TYW1: variants seen among roughly 807,000 people sequenced by gnomAD.
The protein encoded by TYW1 is S-adenosyl-L-methionine-dependent tRNA 4-demethylwyosine synthase TYW1.
Under a neutral mutation model 96.2 loss-of-function variants are expected in TYW1, and 46 were observed. The observed-to-expected ratio is 0.48, with a 90% CI of 0.38 to 0.61. TYW1 has a LOEUF of 0.61. TYW1 is among the 20% of genes least tolerant of loss of function. TYW1 has a pLI of 0.00. For missense variants in TYW1, 684 were observed against 909.6 expected (o/e 0.75, Z 3.19); for synonymous variants, 274 against 323.0 (o/e 0.85, Z 1.63).
chr7:67,211,039 G>C (rs1402495021), intron 15 of TYW1, among the ~76,000 whole-genome samples: 1 of 151,172 alleles, frequency 6.6e-6, no homozygotes, highest in Non-Finnish European at 1.5e-5. Flanking sequence ...TTTACCTAGG[G>C]TTATAATCCA....
chr7:67,052,586 T>A (rs1795390314), intron 8 of TYW1, among the ~76,000 whole-genome samples: 1 of 152,216 alleles, frequency 6.6e-6, no homozygotes, highest in African/African-American at 2.4e-5. Context: ...AATCTGCTAA[T>A]GTCTTTGTCA....
chr7:67,050,963 C>T (rs1438625484), intron 8 of TYW1, among the ~76,000 whole-genome samples: 4 of 151,792 alleles, frequency 2.6e-5, no homozygotes, highest in African/African-American at 9.7e-5. Context: ...ATAATCTTGG[C>T]TCACTGCAAC....
At chr7:67,029,540 C>T (rs1794604564) in intron 7 of TYW1, among the ~76,000 whole-genome samples, 1 of 151,524 alleles carries the variant, frequency 6.6e-6, no homozygotes, top group African/African-American at 2.4e-5. Context: ...ATATATCCTA[C>T]CCAGAGTTAG....
chr7:67,079,337 A>G (rs539143351), intron 10 of TYW1, among the ~76,000 whole-genome samples: 27 of 152,068 alleles, frequency 1.8e-4, no homozygotes, highest in African/African-American at 6.5e-4. Context: ...TATTCTTGGT[A>G]GGTTGTGTGT....
At chr7:67,121,908 G>C (rs1420595933) in intron 13 of TYW1, among the ~76,000 whole-genome samples, 1 of 148,116 alleles carries the variant, frequency 6.8e-6, no homozygotes, top group East Asian at 1.9e-4. Flanking sequence ...TTGAGTATGT[G>C]GGCTAAAAAC....
chr7:67,019,796 A>T (rs1464816817), intron 6 of TYW1, among the ~76,000 whole-genome samples: 1 of 152,298 alleles, frequency 6.6e-6, no homozygotes, highest in Non-Finnish European at 1.5e-5. Flanking sequence ...TGTTGGACAG[A>T]AATTCTCATT....
chr7:67,076,818 A>G (rs1233478531), intron 10 of TYW1, among the ~76,000 whole-genome samples: 2 of 138,076 alleles, frequency 1.4e-5, no homozygotes, highest in Non-Finnish European at 3.0e-5. Context: ...GCTGTTGCCC[A>G]GGCTGGAGTG....
At chr7:67,208,731 C>A (rs1800900034) in intron 15 of TYW1, among the ~76,000 whole-genome samples, 2 of 151,546 alleles carry the variant, frequency 1.3e-5, no homozygotes, top group African/African-American at 4.9e-5. Context: ...TAGAGGGATC[C>A]CAGACATCAG....
chr7:67,235,629 C>T (rs1409944251), intron 15 of TYW1, among the ~76,000 whole-genome samples: 11 of 152,216 alleles, frequency 7.2e-5, no homozygotes, highest in Admixed American at 4.6e-4. Flanking sequence ...CAGTGGCTCA[C>T]GCCTGTTATC....
Position 67,038,561 on chromosome 7 carries a change from G to A in TYW1, c.985-11388G>A, listed in dbSNP as rs868691991. On this transcript the variant is annotated intron_variant, in intron 7 of 15. Coordinates refer to ENST00000359626, the MANE Select transcript of TYW1 (RefSeq NM_018264.4). The stretch of plus-strand genomic sequence containing the variant: ...GTCAAGGCTGCAGTGAGCTATGATC[G>A]CACCACTGCACTCCAGCCTGGACAA... 4.0e-5 allele frequency among the ~76,000 whole-genome samples: 6 copies of A among 149,468 alleles called. No individual in the cohort carries two copies. In the East Asian group the frequency reaches 6.0e-4, roughly 15 times the overall value.
At chr7:67,052,544 A>G (rs1795388575) in intron 8 of TYW1, among the ~76,000 whole-genome samples, 1 of 152,120 alleles carries the variant, frequency 6.6e-6, no homozygotes, top group Non-Finnish European at 1.5e-5. Flanking sequence ...TTTTGAGCCT[A>G]TAGAAAACAG....
chr7:67,175,226 C>G (rs1343719262), intron 13 of TYW1, among the ~76,000 whole-genome samples: 1 of 145,304 alleles, frequency 6.9e-6, no homozygotes. Context: ...GGCTGGAGTG[C>G]GATGGCGTGA....
chr7:67,176,473 T>G (rs535424199), intron 13 of TYW1, among the ~76,000 whole-genome samples: 11 of 152,176 alleles, frequency 7.2e-5, no homozygotes, highest in Non-Finnish European at 8.8e-5. Context: ...GCGATGGAAT[T>G]CAAAGACTTA....
intron 15 of TYW1, among the ~76,000 whole-genome samples, chr7:67,202,334 A>G (rs1378637479): frequency 6.6e-6 from 1 of 152,134 alleles, no homozygotes; most frequent in Non-Finnish European, 1.5e-5. Flanking sequence ...GAAACCAGAG[A>G]GGTCCGAATC....
At chr7:67,191,060 G>A (rs6947488) in intron 14 of TYW1, among the ~76,000 whole-genome samples, 44,013 of 152,062 alleles carry the variant, frequency 0.29, 7,070 homozygotes, top group African/African-American at 0.43. Context: ...GGTTCTGCAG[G>A]CTCTACAAGA....
chr7:67,198,406 C>T (rs925588272), intron 15 of TYW1, among the ~76,000 whole-genome samples: 13 of 151,628 alleles, frequency 8.6e-5, no homozygotes, highest in Non-Finnish European at 1.3e-4. Flanking sequence ...CTAAAATTAG[C>T]GGGGTGTGGT....
chr7:67,072,963 T>TTTTTTTTTTTTTTTTTTTTTTTTTTTTTG (rs1219374462), intron 10 of TYW1, among the ~76,000 whole-genome samples: 1 of 118,592 alleles, frequency 8.4e-6, no homozygotes, highest in African/African-American at 3.5e-5. Flanking sequence ...TTTTTTTTTT[T>TTTTTTTTTTTTTTTTTTTTTTTTTTTTTG]TATAGAGACA....
intron 15 of TYW1, among the ~76,000 whole-genome samples, chr7:67,206,959 C>T (rs945776219): frequency 1.8e-4 from 27 of 152,138 alleles, no homozygotes; most frequent in African/African-American, 5.6e-4. Flanking sequence ...TTCATGCTCC[C>T]TCCCTGGGCT....
At chr7:67,212,166 C>A (rs1035308835) in intron 15 of TYW1, among the ~76,000 whole-genome samples, 3 of 151,916 alleles carry the variant, frequency 2.0e-5, no homozygotes, top group African/African-American at 7.3e-5. Context: ...GATTATTGTT[C>A]TATATTTATA....
Sources: gnomAD v4.1 joint callset for allele counts (sites outside exome capture counted in the v4.1 genomes callset) on GRCh38, gnomAD v4.1.1 for gene constraint, MANE v1.5 for transcripts, NCBI Gene and HGNC (gene_info 2026-07-23, HGNC 2026-07-21) for gene names.